The following PEX14 variants were observed in gnomAD, a reference collection of about 807,000 sequenced individuals.
PEX14 encodes the protein peroxisomal membrane protein PEX14.
In PEX14, 15 loss-of-function variants were observed where a neutral mutation model predicts 49.5. The ratio of observed to expected loss-of-function variants is 0.30; its 90% CI spans 0.20 to 0.47. The LOEUF is 0.47. Ranked by LOEUF, PEX14 falls within the 20% of genes least tolerant of loss-of-function variation. PEX14 has a pLI of 1.00. For missense variants in PEX14, 398 were observed against 494.8 expected (o/e 0.80, Z 1.86); for synonymous variants, 210 against 212.7 (o/e 0.99, Z 0.11).
intron 2 of PEX14, among the ~76,000 whole-genome samples, chr1:10,515,051 A>G (rs751650714): frequency 6.6e-6 from 1 of 152,214 alleles, no homozygotes; most frequent in Non-Finnish European, 1.5e-5. Context: ...GCCTGGTCAC[A>G]GAAGAGTGGG....
intron 3 of PEX14, among the ~76,000 whole-genome samples, chr1:10,577,562 ATTTTTTTTTTTTTTTTTTTTTTTTT>A (rs1164876121): frequency 1.3e-3 from 8 of 6,218 alleles, no homozygotes; most frequent in African/African-American, 1.9e-3. Context: ...ATATATATAT[ATTTTTTTTTTTTTTTTTTTTTTTTT>A]TTTTTTTTTT....
intron 2 of PEX14, among the ~76,000 whole-genome samples, chr1:10,526,182 A>G (rs1293285446): frequency 6.7e-6 from 1 of 148,812 alleles, no homozygotes; most frequent in African/African-American, 2.5e-5. Context: ...AGCCTCCCAA[A>G]GTGCTGGGAT....
chr1:10,554,133 CA>C (rs33963510), intron 3 of PEX14, among the ~76,000 whole-genome samples: 48,603 of 110,874 alleles, frequency 0.44, 10,470 homozygotes, highest in East Asian at 0.71. Flanking sequence ...ACTAAAAATA[CA>C]AAAAAAAAAA....
chr1:10,617,523 C>T (rs1480075567), intron 4 of PEX14, among the ~76,000 whole-genome samples: 1 of 152,132 alleles, frequency 6.6e-6, no homozygotes, highest in Non-Finnish European at 1.5e-5. Flanking sequence ...GGCTCCTCTC[C>T]GTTCTCCCCA....
intron 3 of PEX14, among the ~76,000 whole-genome samples, chr1:10,565,366 A>G (rs1015221618): frequency 2.6e-5 from 4 of 152,184 alleles, no homozygotes; most frequent in African/African-American, 7.2e-5. Flanking sequence ...GTTTTAGAAA[A>G]TAAGTCTGTC....
In PEX14 at chr1:10,514,422, A is replaced by G. The variant is rs1641938477; in HGVS notation, c.84+19101A>G. Among the ~76,000 whole-genome samples the G allele has an allele frequency of 6.6e-6, 1 of 152,172 alleles. No individual in the cohort carries two copies. The highest frequency in any genetic ancestry group is 2.4e-5 in the African/African-American group (1 of 41,434). On this transcript the variant is annotated intron_variant, in intron 2 of 8. Transcript: ENST00000356607. This position sits in a 1 kb window ranked among gnomAD's most constrained non-coding sequence, Gnocchi z 4.4. ...GTGTTGTTTGTGCACGTGTGTAACA[A>G]TATACAGTGTTTGTTCAATGTCCTG...
At chr1:10,501,153 G>A (rs1376433634) in intron 2 of PEX14, among the ~76,000 whole-genome samples, 1 of 152,160 alleles carries the variant, frequency 6.6e-6, no homozygotes, top group Non-Finnish European at 1.5e-5. Flanking sequence ...AAAGTCTGTA[G>A]TGGTTGATTT....
At chr1:10,516,246 C>T (rs960423484) in intron 2 of PEX14, among the ~76,000 whole-genome samples, 1 of 152,188 alleles carries the variant, frequency 6.6e-6, no homozygotes, top group Non-Finnish European at 1.5e-5. Flanking sequence ...TGGTTGTTCC[C>T]TAGCCCTGTT....
chr1:10,613,186 C>T lies in PEX14; in HGVS notation c.299-5146C>T, dbSNP rs906977574. ...CGTGTTGTATGCACAAGTCCTAGTC[C>T]TGTGCATGTGTTCTTAGTTGATGAT... On this transcript the variant is annotated intron_variant, in intron 4 of 8. Transcript: ENST00000356607. The surrounding 1 kb of genome is among the most constrained non-coding windows in gnomAD (Gnocchi z 5.0). 6.6e-6 allele frequency among the ~76,000 whole-genome samples: 1 copy of T among 152,166 alleles called. No homozygotes were observed. The highest frequency in any genetic ancestry group is 1.5e-5 in the Non-Finnish European group (1 of 68,038).
At chr1:10,610,677 G>A (rs1641255344) in intron 4 of PEX14, among the ~76,000 whole-genome samples, 1 of 152,050 alleles carries the variant, frequency 6.6e-6, no homozygotes, top group African/African-American at 2.4e-5. Context: ...TAGAGACGAG[G>A]TTTCTCCATG....
chr1:10,569,535 CTG>C (rs1473416931), intron 3 of PEX14, among the ~76,000 whole-genome samples: 1 of 152,194 alleles, frequency 6.6e-6, no homozygotes, highest in Non-Finnish European at 1.5e-5. Flanking sequence ...TTTCTCTATC[CTG>C]TGGTTGAGTT....
intron 3 of PEX14, among the ~76,000 whole-genome samples, chr1:10,550,976 G>T (rs1639317715): frequency 6.6e-6 from 1 of 152,164 alleles, no homozygotes; most frequent in Non-Finnish European, 1.5e-5. Context: ...CCCCATTCTT[G>T]TGTGTGAGAA....
At chr1:10,568,806 C>G (rs1639888264) in intron 3 of PEX14, among the ~76,000 whole-genome samples, 3 of 152,244 alleles carry the variant, frequency 2.0e-5, no homozygotes, top group East Asian at 3.9e-4. Context: ...GTGGCGTGAT[C>G]TCGGCTCACT....
At chr1:10,499,317 C>T (rs985368080) in intron 2 of PEX14, among the ~76,000 whole-genome samples, 3 of 152,178 alleles carry the variant, frequency 2.0e-5, no homozygotes, top group African/African-American at 4.8e-5. Flanking sequence ...CTCTTTGACA[C>T]CAAGTTCTCT....
At chr1:10,505,684 A>T (rs1333380553) in intron 2 of PEX14, among the ~76,000 whole-genome samples, 1 of 142,156 alleles carries the variant, frequency 7.0e-6, no homozygotes, top group Admixed American at 7.0e-5. Context: ...GCTTGTGTGT[A>T]TTTTTTTTTT....
chr1:10,532,100 T>C (rs957779638), intron 2 of PEX14, among the ~76,000 whole-genome samples: 1 of 152,144 alleles, frequency 6.6e-6, no homozygotes, highest in African/African-American at 2.4e-5. Flanking sequence ...CAAATCCTGC[T>C]CTCTCAAATA....
At chr1:10,618,240 G>A (rs1161906665) in intron 4 of PEX14, 92 bp from the exon 5 acceptor site, 9 of 907,892 alleles carry the variant, frequency 9.9e-6, no homozygotes, top group Non-Finnish European at 1.3e-5. Context: ...TTGGAGGCGA[G>A]GAGACTGTGC....
At position 10,575,648 on chromosome 1, in the gene PEX14, A is replaced by G. The variant is rs117586797; in HGVS notation, c.170-23590A>G. Among the ~76,000 whole-genome samples the G allele has an allele frequency of 1.1e-4, 16 of 152,202 alleles. No individual in the cohort carries two copies. The East Asian group carries it at 3.1e-3, about 29-fold the overall frequency. ...CTCTTCTGCATAATTCCTTTCATCTACTTTGTTTGGATTTTTCTAACGTTC... is the reference window on the plus strand; with the variant it reads ...CTCTTCTGCATAATTCCTTTCATCTGCTTTGTTTGGATTTTTCTAACGTTC... On this transcript the variant is annotated intron_variant, in intron 3 of 8. Transcript: ENST00000356607.
intron 3 of PEX14, among the ~76,000 whole-genome samples, chr1:10,582,295 A>G (rs1221284180): frequency 1.2e-4 from 18 of 152,158 alleles, no homozygotes; most frequent in Non-Finnish European, 2.5e-4. Flanking sequence ...ATTTATTCAC[A>G]CATTGAACAA....
Sources: gnomAD v4.1 joint callset for allele counts (sites outside exome capture counted in the v4.1 genomes callset) on GRCh38, gnomAD v4.1.1 for gene constraint, Gnocchi (gnomAD v3.1) non-coding constraint, MANE v1.5 for transcripts, NCBI Gene and HGNC (gene_info 2026-07-23, HGNC 2026-07-21) for gene names.